Variants in ZNF804B observed in about 807,000 individuals in gnomAD.
The protein encoded by ZNF804B is zinc finger 804B.
ZNF804B carries 80 observed loss-of-function variants against 101.4 expected under a neutral mutation model. The ratio of observed to expected loss-of-function variants is 0.79; its 90% CI spans 0.66 to 0.95. ZNF804B has a LOEUF of 0.95. Among genes scored for constraint, ZNF804B ranks in the 40% least tolerant of loss-of-function variants. The probability of loss-of-function intolerance (pLI) is 0.00; values close to 1 mark genes in which losing one functional copy is unlikely to be tolerated. For synonymous variants in ZNF804B, 622 were observed against 558.8 expected (o/e 1.11, Z -1.59); for missense variants, 1,673 against 1,561.9 (o/e 1.07, Z -1.20).
chr7:89,150,044 A>G (rs1790849320), intron 1 of ZNF804B, among the ~76,000 whole-genome samples: 1 of 152,030 alleles, frequency 6.6e-6, no homozygotes, highest in Admixed American at 6.6e-5. Context: ...TAAGCAGAAA[A>G]TATCAGAAAT....
intron 1 of ZNF804B, among the ~76,000 whole-genome samples, chr7:88,775,553 G>T (rs1790129291): frequency 6.6e-6 from 1 of 152,046 alleles, no homozygotes; most frequent in Non-Finnish European, 1.5e-5. Context: ...CTTTTTTGTT[G>T]TTGTTTTTAT....
At chr7:88,949,518 C>T (rs1309553733) in intron 1 of ZNF804B, among the ~76,000 whole-genome samples, 2 of 151,816 alleles carry the variant, frequency 1.3e-5, no homozygotes, top group African/African-American at 2.4e-5. Context: ...TTTTCTAATC[C>T]TTGTATGTGG....
intron 1 of ZNF804B, among the ~76,000 whole-genome samples, chr7:88,853,957 A>G (rs1382200284): frequency 6.6e-6 from 1 of 152,170 alleles, no homozygotes; most frequent in Non-Finnish European, 1.5e-5. Flanking sequence ...AATTAGATTT[A>G]GCACATTGTT....
chr7:89,211,448 G>A lies in ZNF804B; in HGVS notation c.109-6707G>A, dbSNP rs191103682. Among the ~76,000 whole-genome samples the A allele has an allele frequency of 7.1e-4, 108 of 152,190 alleles. 2 individuals carry two copies. The highest frequency in any genetic ancestry group is 3.2e-4 in the Non-Finnish European group (22 of 68,010). On this transcript the variant is annotated intron_variant, in intron 1 of 3. Transcript: ENST00000333190. ...TCATGAAATCTTTGCCTGTGCCTGT[G>A]TCTTGAATGCTATTGCCTAGATTTT...
At chr7:89,217,954 G>A (rs1788922140) in intron 1 of ZNF804B, among the ~76,000 whole-genome samples, 1 of 152,056 alleles carries the variant, frequency 6.6e-6, no homozygotes, top group Non-Finnish European at 1.5e-5. Flanking sequence ...CCAGACCAGG[G>A]CTACTTTAGA....
intron 2 of ZNF804B, among the ~76,000 whole-genome samples, chr7:89,248,227 G>C (rs747202017): frequency 1.3e-5 from 2 of 152,018 alleles, no homozygotes; most frequent in Non-Finnish European, 2.9e-5. Context: ...TTGCTACACA[G>C]TAGACAGCAA....
At position 89,110,735 on chromosome 7, in the gene ZNF804B, C is replaced by T. The variant is rs184619600; in HGVS notation, c.109-107420C>T. Among the ~76,000 whole-genome samples the T allele has an allele frequency of 2.6e-3, 390 of 152,106 alleles. 2 individuals carry two copies. The highest frequency in any genetic ancestry group is 9.8e-3 in the South Asian group (47 of 4,816). ...ATTAACTACAGTCAATAGTTTACAT[C>T]GGGTTTCAGTCTTTGTATTATTCAA... On this transcript the variant is annotated intron_variant, in intron 1 of 3. Coordinates refer to ENST00000333190, the MANE Select transcript of ZNF804B (RefSeq NM_181646.5).
intron 1 of ZNF804B, among the ~76,000 whole-genome samples, chr7:89,196,809 A>G (rs146780267): frequency 7.8e-4 from 119 of 152,224 alleles, no homozygotes; most frequent in African/African-American, 2.8e-3. Context: ...TGGGCAAAGG[A>G]CATGAATAGA....
intron 1 of ZNF804B, among the ~76,000 whole-genome samples, chr7:89,030,831 G>T (rs1480146432): frequency 6.6e-6 from 1 of 152,120 alleles, no homozygotes. Context: ...TTTTAATGAA[G>T]TGTGGTTTCT....
intron 1 of ZNF804B, among the ~76,000 whole-genome samples, chr7:89,058,734 G>T (rs1789333086): frequency 6.6e-6 from 1 of 152,002 alleles, no homozygotes; most frequent in Non-Finnish European, 1.5e-5. Flanking sequence ...TTTCACTCTT[G>T]TCCATCTGGA....
At chr7:88,867,228 C>T (rs1791739939) in intron 1 of ZNF804B, among the ~76,000 whole-genome samples, 1 of 152,086 alleles carries the variant, frequency 6.6e-6, no homozygotes, top group South Asian at 2.1e-4. Flanking sequence ...AATTGGCTTA[C>T]AGTATTATGG....
At chr7:89,299,117 G>A (rs1022373042) in intron 2 of ZNF804B, among the ~76,000 whole-genome samples, 5 of 151,922 alleles carry the variant, frequency 3.3e-5, no homozygotes, top group African/African-American at 1.2e-4. Context: ...CAAAGCTTAA[G>A]AACTACCATA....
chr7:88,814,458 AC>A (rs1790843478), intron 1 of ZNF804B, among the ~76,000 whole-genome samples: 2 of 48,814 alleles, frequency 4.1e-5, no homozygotes, highest in African/African-American at 2.0e-4. Flanking sequence ...ACACACACAC[AC>A]ACACACACAC....
chr7:88,933,309 G>A (rs1446798446), intron 1 of ZNF804B, among the ~76,000 whole-genome samples: 6 of 151,600 alleles, frequency 4.0e-5, no homozygotes, highest in Admixed American at 2.0e-4. Context: ...AGTAATAAAA[G>A]ACATATATGA....
intron 1 of ZNF804B, among the ~76,000 whole-genome samples, chr7:88,914,858 T>C (rs1001068273): frequency 1.3e-5 from 2 of 152,176 alleles, no homozygotes; most frequent in African/African-American, 2.4e-5. Context: ...AGAAAGAAAA[T>C]GTGAATCTAA....
At chr7:89,186,076 G>A (rs1032272951) in intron 1 of ZNF804B, among the ~76,000 whole-genome samples, 1 of 151,654 alleles carries the variant, frequency 6.6e-6, no homozygotes, top group African/African-American at 2.4e-5. Context: ...TAACTCTTAG[G>A]AAGAAAAATA....
chr7:89,153,712 C>T (rs543686644), intron 1 of ZNF804B, among the ~76,000 whole-genome samples: 2 of 152,190 alleles, frequency 1.3e-5, no homozygotes, highest in South Asian at 4.1e-4. Flanking sequence ...TCAGATTTTA[C>T]TTTCTAGTTC....
chr7:89,010,399 C>T (rs903393648), intron 1 of ZNF804B, among the ~76,000 whole-genome samples: 7 of 152,068 alleles, frequency 4.6e-5, no homozygotes, highest in South Asian at 2.1e-4. Context: ...CATATTTACC[C>T]GTTAAAGTTG....
chr7:89,079,034 G>C (rs1789655886), intron 1 of ZNF804B, among the ~76,000 whole-genome samples: 1 of 151,878 alleles, frequency 6.6e-6, no homozygotes, highest in African/African-American at 2.4e-5. Context: ...AACTCTTTCA[G>C]CTTTGAATGG....
Sources: allele counts gnomAD v4.1 joint callset (sites outside exome capture counted in the v4.1 genomes callset), GRCh38; gene constraint gnomAD v4.1.1; transcripts MANE v1.5; gene names NCBI Gene and HGNC (gene_info 2026-07-23, HGNC 2026-07-21).